Variants in SYNDIG1 observed in about 807,000 individuals in gnomAD.
SYNDIG1 encodes the protein synapse differentiation-inducing gene protein 1.
Under a neutral mutation model 19.4 loss-of-function variants are expected in SYNDIG1, and 9 were observed. That is an observed-to-expected ratio of 0.46 (90% CI 0.28 to 0.81). The LOEUF is 0.81. SYNDIG1 is among the 30% of genes least tolerant of loss of function. The pLI, the probability that SYNDIG1 is intolerant of heterozygous loss-of-function variation, is 0.12. For missense variants in SYNDIG1, 311 were observed against 343.3 expected (o/e 0.91, Z 0.74); for synonymous variants, 141 against 145.9 (o/e 0.97, Z 0.24).
intron 2 of SYNDIG1, among the ~76,000 whole-genome samples, chr20:24,563,611 A>G (rs1242051343): frequency 6.6e-6 from 1 of 152,104 alleles, no homozygotes; most frequent in African/African-American, 2.4e-5. Context: ...AATTAAATTT[A>G]TTTATTTAGA....
intron 2 of SYNDIG1, among the ~76,000 whole-genome samples, chr20:24,575,116 A>G (rs7267875): frequency 1.7e-4 from 26 of 152,214 alleles, no homozygotes; most frequent in African/African-American, 6.3e-4. Context: ...GCAGCCTTAC[A>G]AGGGCTTTCT....
At chr20:24,564,779 TGCCTGG>T (rs11470245) in intron 2 of SYNDIG1, among the ~76,000 whole-genome samples, 77,369 of 151,354 alleles carry the variant, frequency 0.51, 19,851 homozygotes, top group East Asian at 0.61. Flanking sequence ...GAATGATTCT[TGCCTGG>T]GCTCATCTGT....
intron 3 of SYNDIG1, among the ~76,000 whole-genome samples, chr20:24,634,722 G>A (rs2059298092): frequency 6.6e-6 from 1 of 152,008 alleles, no homozygotes; most frequent in African/African-American, 2.4e-5. Flanking sequence ...TTATTAATTT[G>A]TAGACCTTAT....
In SYNDIG1 at chr20:24,543,224, T is replaced by A. The variant is rs367993375; in HGVS notation, c.127T>A (p.Tyr43Asn). Residue 43 changes from tyrosine to asparagine, a missense_variant, in exon 2 of 4, where the codon TAC becomes AAC. Tyr to Asn is a moderately radical substitution (Grantham distance 143). Coordinates refer to ENST00000376862, the MANE Select transcript of SYNDIG1 (RefSeq NM_024893.3). ...GAGCAGAGATGGTCTGGTGTCTGTT[T>A]ACCCAGCGCCCCAGTACCAGAGCCA... ...AESRDGLVSVYPAPQYQSHRV... is the reference protein window; with the variant it reads ...AESRDGLVSVNPAPQYQSHRV... The A allele has an allele frequency of 1.7e-5, 28 of 1,613,798 alleles. No individual in the cohort carries two copies. The highest frequency in any genetic ancestry group is 2.3e-5 in the Non-Finnish European group (27 of 1,180,004).
intron 3 of SYNDIG1, among the ~76,000 whole-genome samples, chr20:24,590,505 C>T (rs892038118): frequency 1.3e-5 from 2 of 152,086 alleles, no homozygotes; most frequent in Non-Finnish European, 2.9e-5. Flanking sequence ...AGGGCGACGA[C>T]GGCAGTGGTC....
In SYNDIG1 at chr20:24,637,813, G is replaced by T. The variant is rs75779882; in HGVS notation, c.619-27533G>T. Among the ~76,000 whole-genome samples the T allele has an allele frequency of 1.8e-4, 28 of 152,300 alleles. No homozygotes were observed. The East Asian group carries it at 5.2e-3, about 28-fold the overall frequency. On this transcript the variant is annotated intron_variant, in intron 3 of 3. Coordinates refer to ENST00000376862, the MANE Select transcript of SYNDIG1 (RefSeq NM_024893.3). The stretch of plus-strand genomic sequence containing the variant: ...GGCTGCACCCACCTAGTTGGCTGGT[G>T]TAGACCACCCTGGCTCCCTTCGAGT...
intron 3 of SYNDIG1, among the ~76,000 whole-genome samples, chr20:24,611,666 G>T (rs1206185716): frequency 6.6e-6 from 1 of 151,512 alleles, no homozygotes; most frequent in Non-Finnish European, 1.5e-5. Context: ...CTCAGCCTCT[G>T]CCTGGAGGCC....
At chr20:24,585,551 G>T (rs2058403475) in intron 3 of SYNDIG1, among the ~76,000 whole-genome samples, 1 of 152,130 alleles carries the variant, frequency 6.6e-6, no homozygotes, top group South Asian at 2.1e-4. Context: ...CCAGCATAAG[G>T]CTTCTAAAGG....
chr20:24,532,878 T>A (rs2057288962), intron 1 of SYNDIG1, among the ~76,000 whole-genome samples: 2 of 152,144 alleles, frequency 1.3e-5, no homozygotes, highest in Admixed American at 1.3e-4. Flanking sequence ...GATCAACAAC[T>A]GTTAGGATTT....
chr20:24,587,693 A>C lies in SYNDIG1; in HGVS notation c.618+2700A>C, dbSNP rs562182448. Among the ~76,000 whole-genome samples the C allele has an allele frequency of 6.6e-5, 10 of 152,348 alleles. No homozygotes were observed. In the East Asian group the frequency reaches 1.9e-3, roughly 29 times the overall value. ...CAGGACTGGAGAGGGGGAAGCCCGG[A>C]GCCCTCTCTGCCGCAGTGGCCAGCA... is the stretch of plus-strand genomic sequence containing the variant. On this transcript the variant is annotated intron_variant, in intron 3 of 3. Coordinates refer to ENST00000376862, the MANE Select transcript of SYNDIG1 (RefSeq NM_024893.3).
chr20:24,499,629 G>A (rs1032427597), intron 1 of SYNDIG1, among the ~76,000 whole-genome samples: 3 of 152,148 alleles, frequency 2.0e-5, no homozygotes, highest in Non-Finnish European at 2.9e-5. Flanking sequence ...TGACATGTAC[G>A]GACTGAGTCG....
At chr20:24,516,552 C>A (rs1010421316) in intron 1 of SYNDIG1, among the ~76,000 whole-genome samples, 5 of 152,186 alleles carry the variant, frequency 3.3e-5, no homozygotes, top group African/African-American at 1.2e-4. Flanking sequence ...ATGCAGCCAA[C>A]AGACACATGA....
chr20:24,588,445 C>G (rs548938720), intron 3 of SYNDIG1, among the ~76,000 whole-genome samples: 16 of 152,354 alleles, frequency 1.1e-4, no homozygotes, highest in African/African-American at 3.6e-4. Context: ...GAGCCATGCA[C>G]CCTTGCTTCC....
intron 1 of SYNDIG1, among the ~76,000 whole-genome samples, chr20:24,486,980 G>A (rs2055984154): frequency 6.6e-6 from 1 of 152,086 alleles, no homozygotes; most frequent in Admixed American, 6.5e-5. Context: ...TCTAACAAGT[G>A]CCAGTGATGA....
intron 3 of SYNDIG1, among the ~76,000 whole-genome samples, chr20:24,586,716 G>A (rs1433526258): frequency 6.6e-6 from 1 of 152,224 alleles, no homozygotes; most frequent in Non-Finnish European, 1.5e-5. Context: ...ATGGGGCCCA[G>A]CCGCTGAGGC....
Position 24,634,647 on chromosome 20 carries a change from CT to C in SYNDIG1, c.619-30698del, listed in dbSNP as rs1178937142. Among the ~76,000 whole-genome samples the C allele has an allele frequency of 3.3e-5, 5 of 151,868 alleles. No individual in the cohort carries two copies. In the East Asian group the frequency reaches 9.7e-4, roughly 29 times the overall value. ...ATCTTTATGTGTGTTATTTTTTTTC[CT>C]GCTTTTATTTCCCGTATAAATTTCT... On this transcript the variant is annotated intron_variant, in intron 3 of 3. Transcript: ENST00000376862.
chr20:24,553,188 T>A (rs2146810696), intron 2 of SYNDIG1, among the ~76,000 whole-genome samples: 1 of 152,166 alleles, frequency 6.6e-6, no homozygotes, highest in East Asian at 1.9e-4. Flanking sequence ...TTGTTTGAGT[T>A]CATTGTAGAT....
intron 2 of SYNDIG1, among the ~76,000 whole-genome samples, chr20:24,583,971 C>A (rs1437910594): frequency 6.6e-6 from 1 of 152,138 alleles, no homozygotes; most frequent in Non-Finnish European, 1.5e-5. Context: ...GTGCACCAAA[C>A]CCCCATGGCA....
At position 24,472,155 on chromosome 20, in the gene SYNDIG1, A is replaced by G. The variant is rs560878551; in HGVS notation, c.-79+2402A>G. ...TAAAATAAAAATGAAGGCCCCCTCCATTCCCATTTTAGGGTAGAAAAGGAA... is the reference window on the plus strand; with the variant it reads ...TAAAATAAAAATGAAGGCCCCCTCCGTTCCCATTTTAGGGTAGAAAAGGAA... On this transcript the variant is annotated intron_variant, in intron 1 of 3. Coordinates refer to ENST00000376862, the MANE Select transcript of SYNDIG1 (RefSeq NM_024893.3). Among the ~76,000 whole-genome samples, 16 of 152,302 alleles carry G rather than the reference A, an allele frequency of 1.1e-4. No individual in the cohort carries two copies. The East Asian group carries it at 3.1e-3, about 29-fold the overall frequency.
Sources: allele counts gnomAD v4.1 joint callset (sites outside exome capture counted in the v4.1 genomes callset), GRCh38; gene constraint gnomAD v4.1.1; transcripts MANE v1.5; gene names NCBI Gene and HGNC (gene_info 2026-07-23, HGNC 2026-07-21).